TEX9: variants seen among roughly 807,000 people sequenced by gnomAD.
The protein encoded by TEX9 is testis-expressed protein 9.
In TEX9, 74 loss-of-function variants were observed where a neutral mutation model predicts 59.6. That is an observed-to-expected ratio of 1.24 (90% CI 1.03 to 1.51). The LOEUF is 1.51. Among genes scored for constraint, TEX9 ranks in the 40% most tolerant of loss-of-function variants. The probability of loss-of-function intolerance (pLI) is 0.00; values close to 1 mark genes in which losing one functional copy is unlikely to be tolerated. For missense variants in TEX9, 522 were observed against 447.8 expected (o/e 1.17, Z -1.49); for synonymous variants, 186 against 152.2 (o/e 1.22, Z -1.64).
Position 56,389,364 on chromosome 15 carries a change from T to G in TEX9, c.359T>G (p.Leu120Ter), listed in dbSNP as rs2048103516. Residue 120 changes from leucine (L) to a stop codon, truncating the protein, a stop_gained, in exon 6 of 13, where the codon TTA becomes TGA. Coordinates refer to ENST00000352903, the Ensembl canonical transcript of TEX9. LOFTEE classifies it high-confidence loss of function. ...CCTGTAAACAAGGTTCAAAACAAAT[T>G]ACACTCTGCAAATAAAGGAAGGAAA... 1 of 1,611,018 alleles carries G rather than the reference T, an allele frequency of 6.2e-7. No individual in the cohort carries two copies. The highest frequency in any genetic ancestry group is 1.7e-5 in the Admixed American group (1 of 59,724).
chr15:56,258,905 T>C (rs912785394), intron 1 of TEX9, among the ~76,000 whole-genome samples: 8 of 149,756 alleles, frequency 5.3e-5, no homozygotes, highest in Admixed American at 1.3e-4. Context: ...TATATGTGTA[T>C]ATATATACAT....
chr15:56,393,060 G>A (rs1440451624), intron 7 of TEX9, among the ~76,000 whole-genome samples: 1 of 152,210 alleles, frequency 6.6e-6, no homozygotes, highest in Non-Finnish European at 1.5e-5. Flanking sequence ...GTTTAGTACT[G>A]TGGGCCTCCA....
intron 12 of TEX9, chr15:56,434,007 T>TTA (rs137878743): frequency 1.4e-5 from 14 of 985,266 alleles, no homozygotes; most frequent in Middle Eastern, 3.0e-4. Flanking sequence ...GTCAGAAAAT[T>TTA]TATATATATA....
At chr15:56,365,900 A>G in intron 2 of TEX9, 4 of 1,362,470 alleles carry the variant, frequency 2.9e-6, no homozygotes, top group South Asian at 1.6e-5. Flanking sequence ...CCAAGTAAGC[A>G]TGTTGTTTAA....
intron 9 of TEX9, among the ~76,000 whole-genome samples, chr15:56,398,532 G>A (rs1209258772): frequency 6.6e-6 from 1 of 152,096 alleles, no homozygotes; most frequent in African/African-American, 2.4e-5. Context: ...TCACATCACT[G>A]TTCTAGTCTC....
downstream of TEX9, among the ~76,000 whole-genome samples, chr15:56,448,965 G>A (rs1457465416): frequency 6.6e-6 from 1 of 152,012 alleles, no homozygotes; most frequent in African/African-American, 2.4e-5. Flanking sequence ...ATGTTGGCTA[G>A]GCTGGTTTCA....
At chr15:56,334,923 G>C (rs1402963991) in intron 1 of TEX9, among the ~76,000 whole-genome samples, 1 of 152,050 alleles carries the variant, frequency 6.6e-6, no homozygotes, top group Non-Finnish European at 1.5e-5. Flanking sequence ...CTAAACATCA[G>C]AGAAATGCAA....
At position 56,253,096 on chromosome 15, in the gene TEX9, C is replaced by T. The variant is rs563852503; in HGVS notation, c.-107+8818C>T. Among the ~76,000 whole-genome samples the T allele has an allele frequency of 3.9e-5, 6 of 152,070 alleles. No individual in the cohort carries two copies. In the South Asian group the frequency reaches 1.3e-3, roughly 32 times the overall value. ...TGGTGGCAGCCTAGTTTTTACATGCCACTACTTTATAGTCTGATAAAGCAC... is the reference window on the plus strand; with the variant it reads ...TGGTGGCAGCCTAGTTTTTACATGCTACTACTTTATAGTCTGATAAAGCAC... On this transcript the variant is annotated intron_variant, in intron 1 of 5. Transcript: ENST00000560827.
intron 2 of TEX9, among the ~76,000 whole-genome samples, chr15:56,372,837 C>CAAG (rs2142028028): frequency 6.6e-6 from 1 of 152,160 alleles, no homozygotes; most frequent in African/African-American, 2.4e-5. Context: ...TCTATTCTTG[C>CAAG]TAGATTCCAA....
chr15:56,450,860 G>C (rs2050942379), downstream of TEX9, among the ~76,000 whole-genome samples: 1 of 152,078 alleles, frequency 6.6e-6, no homozygotes, highest in East Asian at 1.9e-4. Flanking sequence ...AGCAATTTCT[G>C]AGGGTTCCAA....
intron 1 of TEX9, among the ~76,000 whole-genome samples, chr15:56,265,338 T>A (rs1229526978): frequency 6.6e-6 from 1 of 151,780 alleles, no homozygotes; most frequent in Non-Finnish European, 1.5e-5. Context: ...AGCTTTTTTT[T>A]TATTTTTTAT....
intron 12 of TEX9, chr15:56,434,013 A>T (rs1374636506): frequency 9.6e-7 from 1 of 1,047,094 alleles, no homozygotes; most frequent in African/African-American, 1.6e-5. Context: ...AAATTTATAT[A>T]TATATTAGTA....
chr15:56,396,086 A>C (rs1237094858), intron 9 of TEX9: 1 of 152,182 alleles, frequency 6.6e-6, no homozygotes, highest in Non-Finnish European at 1.5e-5. Flanking sequence ...GCCATTGTGA[A>C]AATAAAAATA....
At chr15:56,434,229 T>C in intron 12 of TEX9, 6 of 1,613,988 alleles carry the variant, frequency 3.7e-6, no homozygotes, top group Non-Finnish European at 5.1e-6. Context: ...TTTCTGAGCA[T>C]TCATTAATTC....
intron 10 of TEX9, among the ~76,000 whole-genome samples, chr15:56,418,006 T>A: frequency 6.6e-6 from 1 of 151,912 alleles, no homozygotes; most frequent in Non-Finnish European, 1.5e-5. Flanking sequence ...CAACCCCTGC[T>A]TTTTTCTGTT....
rs570076357 is a variant in TEX9, at chr15:56,433,169, C to G, written c.*29+4696C>G. On this transcript the variant is annotated intron_variant, in intron 12 of 12. Transcript: ENST00000352903. The stretch of plus-strand genomic sequence containing the variant: ...CTATTTCTTTTCCTCTATACTCTTT[C>G]CTTAGGATGTCACCCAGTCACCCAT... Among the ~76,000 whole-genome samples, 4 of 150,772 alleles carry G rather than the reference C, an allele frequency of 2.7e-5. No homozygotes were observed. The South Asian group carries it at 6.4e-4, about 24-fold the overall frequency.
At chr15:56,295,340 T>C (rs1333321379) in intron 1 of TEX9, among the ~76,000 whole-genome samples, 2 of 152,234 alleles carry the variant, frequency 1.3e-5, no homozygotes, top group Non-Finnish European at 2.9e-5. Context: ...CTAATAGCTA[T>C]TATAACATTC....
intron 1 of TEX9, among the ~76,000 whole-genome samples, chr15:56,267,169 G>C (rs1200291875): frequency 6.6e-6 from 1 of 152,086 alleles, no homozygotes; most frequent in African/African-American, 2.4e-5. Flanking sequence ...TTTTTGATGG[G>C]GTTGTTTGAT....
intron 2 of TEX9, among the ~76,000 whole-genome samples, chr15:56,373,022 A>G (rs1268347558): frequency 2.0e-5 from 3 of 152,166 alleles, no homozygotes; most frequent in Non-Finnish European, 2.9e-5. Context: ...AAACCAGAGC[A>G]GGTCTCCCCC....
Sources: gnomAD v4.1 joint callset for allele counts (sites outside exome capture counted in the v4.1 genomes callset) on GRCh38, gnomAD v4.1.1 for gene constraint, MANE v1.5 for transcripts, NCBI Gene and HGNC (gene_info 2026-07-23, HGNC 2026-07-21) for gene names.